The following PP2D1 variants were observed in gnomAD, a reference collection of about 807,000 sequenced individuals.
PP2D1 encodes the protein protein phosphatase 2C-like domain-containing protein 1.
Under a neutral mutation model 30.2 loss-of-function variants are expected in PP2D1, and 25 were observed. That is an observed-to-expected ratio of 0.83 (90% CI 0.60 to 1.16). The LOEUF is 1.16. PP2D1 is among the 50% of genes most tolerant of loss of function. The probability of loss-of-function intolerance (pLI) is 0.00; values close to 1 mark genes in which losing one functional copy is unlikely to be tolerated. For missense variants in PP2D1, 760 were observed against 742.4 expected (o/e 1.02, Z -0.28); for synonymous variants, 260 against 258.9 (o/e 1.00, Z -0.04).
chr3:19,995,189 C>T (rs1250119207), intron 2 of PP2D1, among the ~76,000 whole-genome samples: 2 of 152,160 alleles, frequency 1.3e-5, no homozygotes, highest in Non-Finnish European at 2.9e-5. Flanking sequence ...ACTCCTAACA[C>T]CCACAACCTG....
intron 2 of PP2D1, among the ~76,000 whole-genome samples, chr3:19,999,292 A>T (rs1412885644): frequency 2.6e-5 from 4 of 151,672 alleles, no homozygotes; most frequent in Non-Finnish European, 5.9e-5. Flanking sequence ...GTTGGCCAGG[A>T]TGGTCTCGAT....
At chr3:20,004,368 T>G (rs1697292845) in intron 1 of PP2D1, among the ~76,000 whole-genome samples, 1 of 152,214 alleles carries the variant, frequency 6.6e-6, no homozygotes, top group African/African-American at 2.4e-5. Context: ...ACAGCGACAT[T>G]GCCTAACAAT....
chr3:20,010,568 G>A (rs112409656), intron 1 of PP2D1, among the ~76,000 whole-genome samples: 55 of 152,012 alleles, frequency 3.6e-4, no homozygotes, highest in Admixed American at 1.2e-3. Context: ...TTGGGAGGCC[G>A]AGGCAGGCGG....
chr3:19,989,038 A>T (rs1169133794), intron 2 of PP2D1, among the ~76,000 whole-genome samples: 2 of 152,158 alleles, frequency 1.3e-5, no homozygotes. Flanking sequence ...GTATAATTGG[A>T]AAGCCTAAAT....
intron 1 of PP2D1, 65 bp downstream of exon 1, chr3:20,011,985 A>T: frequency 7.8e-7 from 1 of 1,282,682 alleles, no homozygotes; most frequent in Non-Finnish European, 1.1e-6. Context: ...GGAAGAAAAA[A>T]ATACTGTAGA....
intron 2 of PP2D1, among the ~76,000 whole-genome samples, chr3:19,992,571 C>G (rs555672705): frequency 1.3e-5 from 2 of 152,100 alleles, no homozygotes; most frequent in East Asian, 3.9e-4. Context: ...AGAAAGACAA[C>G]TTAGGTCTGC....
downstream of PP2D1, among the ~76,000 whole-genome samples, chr3:19,980,973 C>T (rs531697270): frequency 6.6e-6 from 1 of 152,222 alleles, no homozygotes; most frequent in South Asian, 2.1e-4. Flanking sequence ...CTAGGCAATC[C>T]GATCTCAAAG....
intron 2 of PP2D1, among the ~76,000 whole-genome samples, chr3:19,986,426 G>C (rs1424279997): frequency 1.3e-5 from 2 of 152,074 alleles, no homozygotes; most frequent in African/African-American, 4.8e-5. Flanking sequence ...ATTACATTTA[G>C]TATTAACATT....
downstream of PP2D1, among the ~76,000 whole-genome samples, chr3:19,981,286 A>G (rs984262814): frequency 6.6e-6 from 1 of 152,196 alleles, no homozygotes; most frequent in Non-Finnish European, 1.5e-5. Context: ...CTACGGGATT[A>G]CATACAGAAA....
In PP2D1 at chr3:19,985,646, A is replaced by G; in HGVS notation, c.1627T>C (p.Cys543Arg). Residue 543 changes from cysteine to arginine, a missense_variant, in exon 3 of 3, where the codon TGT becomes CGT. Physicochemically the swap from Cys to Arg is radical, Grantham distance 180 (BLOSUM62 -3). Transcript: ENST00000389050. ...NLSDSNYSKY[C>R]IYNPENVETF... Reference sequence around the variant, plus strand: ...TCTACATTCTCAGGGTTATAAATACAGTATTTAGAATAGTTTGAATCGGAT... The same window carrying G: ...TCTACATTCTCAGGGTTATAAATACGGTATTTAGAATAGTTTGAATCGGAT... 1 of 1,535,878 alleles carries G rather than the reference A, an allele frequency of 6.5e-7. No individual in the cohort carries two copies. The highest frequency in any genetic ancestry group is 1.2e-5 in the South Asian group (1 of 84,056).
intron 2 of PP2D1, among the ~76,000 whole-genome samples, chr3:19,991,222 A>G (rs1349422661): frequency 6.6e-6 from 1 of 152,216 alleles, no homozygotes; most frequent in East Asian, 1.9e-4. Flanking sequence ...AGTCAGGTAC[A>G]GTGTTTCTTA....
Position 19,986,229 on chromosome 3 carries a change from C to T in PP2D1, c.1091-47G>A, listed in dbSNP as rs1262804931. On this transcript the variant is annotated intron_variant, in intron 2 of 2. Transcript: ENST00000389050. ...GAAGAAATTTTTATCCTAGAGATAA[C>T]CAATTGTATCAAAATCTACTGCTAA... is the stretch of plus-strand genomic sequence containing the variant. The T allele has an allele frequency of 8.5e-6, 11 of 1,298,164 alleles. No homozygotes were observed. In the African/African-American group the frequency reaches 1.3e-4, roughly 16 times the overall value. The allele number at this position is 1,298,164 out of a possible 1,614,324, so 80.4% of individuals were successfully genotyped here.
At chr3:19,994,056 A>AG (rs57845628) in intron 2 of PP2D1, among the ~76,000 whole-genome samples, 5 of 151,318 alleles carry the variant, frequency 3.3e-5, no homozygotes, top group African/African-American at 4.9e-5. Context: ...AAAAAAAAAA[A>AG]TCACAGGTTT....
In PP2D1 at chr3:19,985,741, A is replaced by T. The variant is rs1697021689; in HGVS notation, c.1532T>A (p.Ile511Asn). The T allele has an allele frequency of 6.5e-7, 1 of 1,535,934 alleles. No individual in the cohort carries two copies. The highest frequency in any genetic ancestry group is 8.7e-7 in the Non-Finnish European group (1 of 1,146,812). ...EPNLTKSQSN[I>N]HVLFQYKSVS... ...AGATTTATACTGAAACAATACGTGG[A>T]TATTACTCTGTGATTTAGTAAGGTT... Residue 511 changes from isoleucine (I) to asparagine (N), a missense_variant, in exon 3 of 3, where the codon ATC becomes AAC. Ile to Asn is a moderately radical substitution (Grantham distance 149). Coordinates refer to ENST00000389050, the MANE Select transcript of PP2D1 (RefSeq NM_001252657.2).
Position 19,986,000 on chromosome 3 carries a change from T to A in PP2D1, c.1273A>T (p.Asn425Tyr), listed in dbSNP as rs1460955033. ...ATAATGGATTTTTTCAGCTTGAGAT[T>A]TCCATGAAATCCAAGTCCTCGTGTA... is the stretch of plus-strand genomic sequence containing the variant. Reference protein sequence around the residue: ...KTTRGLGFHGNLKLKKSIIPA... With the variant: ...KTTRGLGFHGYLKLKKSIIPA... The change falls in exon 3 of 3, where the codon AAT becomes TAT. Residue 425 changes from asparagine (N) to tyrosine (Y), a missense_variant. Around this residue, in one of 3 missense-constraint regions of PP2D1, gnomAD observed 369 missense variants for 316.2 expected, o/e 1.17. Transcript: ENST00000389050. 6.5e-7 allele frequency: 1 copy of A among 1,536,010 alleles called. No individual in the cohort carries two copies. Among genetic ancestry groups the A allele is most frequent in the Non-Finnish European group, 8.7e-7 (1 of 1,146,888 alleles).
chr3:20,005,174 C>T (rs1357125955), intron 1 of PP2D1, among the ~76,000 whole-genome samples: 14 of 150,704 alleles, frequency 9.3e-5, no homozygotes, highest in Admixed American at 1.3e-4. Context: ...TTTTTTGAGA[C>T]GGAGTTTCGC....
downstream of PP2D1, chr3:19,984,295 A>G (rs996479516): frequency 7.0e-6 from 3 of 428,492 alleles, no homozygotes; most frequent in African/African-American, 6.3e-5. Flanking sequence ...TTCTCCTGGT[A>G]CCTGTATTTA....
chr3:20,002,823 A>T (rs2125145011), intron 1 of PP2D1, among the ~76,000 whole-genome samples: 1 of 152,094 alleles, frequency 6.6e-6, no homozygotes, highest in Admixed American at 6.5e-5. Context: ...TAGGAGGCTG[A>T]GGCGGGCTGA....
At chr3:19,994,716 A>G (rs551155302) in intron 2 of PP2D1, among the ~76,000 whole-genome samples, 1 of 152,352 alleles carries the variant, frequency 6.6e-6, no homozygotes, top group South Asian at 2.1e-4. Context: ...GACAGAGCCA[A>G]GAGTCCAGGG....
Sources: allele counts gnomAD v4.1 joint callset (sites outside exome capture counted in the v4.1 genomes callset), GRCh38; gene constraint gnomAD v4.1.1; regional missense constraint gnomAD v4.1.1; transcripts MANE v1.5; gene names NCBI Gene and HGNC (gene_info 2026-07-23, HGNC 2026-07-21).